IMMP2L: variants seen among roughly 807,000 people sequenced by gnomAD.
IMMP2L encodes the protein mitochondrial inner membrane protease subunit 2.
In IMMP2L, 18 loss-of-function variants were observed where a neutral mutation model predicts 19.3. The observed-to-expected ratio is 0.93, with a 90% CI of 0.64 to 1.38. The LOEUF (loss-of-function observed/expected upper bound fraction) is 1.38, where lower values mean the gene tolerates loss of function less well. IMMP2L is among the 40% of genes most tolerant of loss of function. The pLI is 0.00. For synonymous variants in IMMP2L, 76 were observed against 73.0 expected (o/e 1.04, Z -0.21); for missense variants, 233 against 218.2 (o/e 1.07, Z -0.43).
At chr7:111,296,843 A>G (rs1177917057) in intron 3 of IMMP2L, among the ~76,000 whole-genome samples, 1 of 152,064 alleles carries the variant, frequency 6.6e-6, no homozygotes, top group African/African-American at 2.4e-5. Flanking sequence ...CTACTCAGCA[A>G]TGAAATGCAA....
chr7:110,790,811 T>A (rs1011654876), intron 5 of IMMP2L, among the ~76,000 whole-genome samples: 2 of 151,764 alleles, frequency 1.3e-5, no homozygotes, highest in African/African-American at 4.9e-5. Flanking sequence ...AGTGAGTAAA[T>A]TCTTTGATTC....
intron 5 of IMMP2L, among the ~76,000 whole-genome samples, chr7:110,802,331 A>ATGTG (rs10545848): frequency 1.5e-4 from 22 of 147,082 alleles, no homozygotes; most frequent in South Asian, 4.4e-4. Flanking sequence ...GTATGTGTGT[A>ATGTG]TGTGTGTGTG....
At chr7:110,844,508 T>C (rs1423961908) in intron 5 of IMMP2L, among the ~76,000 whole-genome samples, 2 of 151,800 alleles carry the variant, frequency 1.3e-5, no homozygotes, top group Non-Finnish European at 2.9e-5. Flanking sequence ...CGGAGAAGGG[T>C]AAGCTTGTAA....
At chr7:111,115,639 A>T (rs2129585367) in intron 3 of IMMP2L, among the ~76,000 whole-genome samples, 1 of 151,658 alleles carries the variant, frequency 6.6e-6, no homozygotes, top group African/African-American at 2.4e-5. Context: ...ATTTGCAATT[A>T]TTTTTTATTT....
At chr7:111,196,291 T>C (rs192917595) in intron 3 of IMMP2L, among the ~76,000 whole-genome samples, 15 of 152,362 alleles carry the variant, frequency 9.8e-5, no homozygotes, top group South Asian at 4.1e-4. Flanking sequence ...TTTACGGTGC[T>C]AGCCTTTTAT....
chr7:111,552,732 G>T (rs1394115068), intron 1 of IMMP2L, among the ~76,000 whole-genome samples: 1 of 152,108 alleles, frequency 6.6e-6, no homozygotes, highest in African/African-American at 2.4e-5. Context: ...AATGATCCTT[G>T]CCTCATGTCC....
intron 4 of IMMP2L, among the ~76,000 whole-genome samples, chr7:110,934,532 A>T (rs1021205727): frequency 6.6e-6 from 1 of 152,292 alleles, no homozygotes; most frequent in Non-Finnish European, 1.5e-5. Context: ...CTCTTTGTAT[A>T]TAAGAAGAAA....
At chr7:110,685,061 G>C (rs1397647663) in intron 5 of IMMP2L, among the ~76,000 whole-genome samples, 1 of 151,966 alleles carries the variant, frequency 6.6e-6, no homozygotes, top group African/African-American at 2.4e-5. Context: ...TAAGGGTTGG[G>C]GGGGAAGGGG....
chr7:110,950,841 C>CATATATATATATATATATATATATATAT (rs34797718), intron 4 of IMMP2L, among the ~76,000 whole-genome samples: 2 of 100,628 alleles, frequency 2.0e-5, no homozygotes, highest in Admixed American at 1.0e-4. Context: ...CAAAATGTGG[C>CATATATATATATATATATATATATATAT]ATATATATAT....
chr7:110,737,269 G>A (rs1278975306), intron 5 of IMMP2L, among the ~76,000 whole-genome samples: 4 of 152,138 alleles, frequency 2.6e-5, no homozygotes, highest in African/African-American at 4.8e-5. Flanking sequence ...GGAGGTTTGT[G>A]GTCTGGGGCA....
At chr7:110,835,475 C>T (rs1669460940) in intron 5 of IMMP2L, among the ~76,000 whole-genome samples, 1 of 152,084 alleles carries the variant, frequency 6.6e-6, no homozygotes, top group Non-Finnish European at 1.5e-5. Context: ...ACCTGCTTTC[C>T]CCAAACATCC....
At chr7:111,272,736 A>G (rs1818600751) in intron 3 of IMMP2L, among the ~76,000 whole-genome samples, 1 of 152,188 alleles carries the variant, frequency 6.6e-6, no homozygotes, top group Admixed American at 6.5e-5. Flanking sequence ...CAACCTTTTC[A>G]ATTGGGCTCA....
intron 3 of IMMP2L, among the ~76,000 whole-genome samples, chr7:110,984,763 A>G (rs1821681429): frequency 6.6e-6 from 1 of 152,114 alleles, no homozygotes. Flanking sequence ...ATTTTCAAGT[A>G]TGATCGTGCA....
intron 4 of IMMP2L, 42 bp downstream of exon 4, chr7:110,963,458 G>A: frequency 7.3e-7 from 1 of 1,364,810 alleles, no homozygotes; most frequent in Non-Finnish European, 1.0e-6. Context: ...CAGAACTCTA[G>A]ATATTTAAAA....
intron 3 of IMMP2L, among the ~76,000 whole-genome samples, chr7:110,964,134 G>A (rs1304444201): frequency 1.3e-5 from 2 of 152,024 alleles, no homozygotes; most frequent in Non-Finnish European, 1.5e-5. Context: ...ACGATTGCAA[G>A]TTTCCTGAGA....
At chr7:111,175,597 C>T (rs1022942227) in intron 3 of IMMP2L, among the ~76,000 whole-genome samples, 3 of 151,244 alleles carry the variant, frequency 2.0e-5, no homozygotes, top group African/African-American at 7.3e-5. Context: ...AAACCAGGCC[C>T]CTATTTCTCA....
At chr7:111,229,464 A>G (rs1026361771) in intron 3 of IMMP2L, among the ~76,000 whole-genome samples, 2 of 152,064 alleles carry the variant, frequency 1.3e-5, no homozygotes, top group African/African-American at 4.8e-5. Flanking sequence ...GGTTGAAATT[A>G]TCCCTGGTTT....
At chr7:110,906,100 TCTCACCACATTTGA>T (rs1253596736) in intron 4 of IMMP2L, among the ~76,000 whole-genome samples, 1 of 152,210 alleles carries the variant, frequency 6.6e-6, no homozygotes, top group Non-Finnish European at 1.5e-5. Flanking sequence ...TTCACAGTTA[TCTCACCACATTTGA>T]CAGCCATTTA....
intron 3 of IMMP2L, among the ~76,000 whole-genome samples, chr7:110,990,780 C>T (rs1050946565): frequency 3.3e-5 from 5 of 152,148 alleles, no homozygotes; most frequent in African/African-American, 9.7e-5. Context: ...CCATTTCTTA[C>T]TTAAAAATCT....
Sources: gnomAD v4.1 joint callset for allele counts (sites outside exome capture counted in the v4.1 genomes callset) on GRCh38, gnomAD v4.1.1 for gene constraint, MANE v1.5 for transcripts, NCBI Gene and HGNC (gene_info 2026-07-23, HGNC 2026-07-21) for gene names.